FAM78B: variants seen among roughly 807,000 people sequenced by gnomAD.
The protein encoded by FAM78B is protein FAM78B.
A neutral mutation model predicts 20.0 loss-of-function variants in FAM78B; 10 were observed. The ratio of observed to expected loss-of-function variants is 0.50; its 90% CI spans 0.31 to 0.85. FAM78B has a LOEUF of 0.85. Ranked by LOEUF, FAM78B falls within the 40% of genes least tolerant of loss-of-function variation. The pLI, the probability that FAM78B is intolerant of heterozygous loss-of-function variation, is 0.05. For synonymous variants in FAM78B, 135 were observed against 132.8 expected (o/e 1.02, Z -0.12); for missense variants, 283 against 345.0 (o/e 0.82, Z 1.42).
At chr1:166,111,623 AAACTCCC>A (rs1282806661) in intron 1 of FAM78B, among the ~76,000 whole-genome samples, 1 of 152,226 alleles carries the variant, frequency 6.6e-6, no homozygotes, top group East Asian at 1.9e-4. Context: ...GGGAAAAGTC[AAACTCCC>A]AAGGTCAAAG....
At chr1:166,103,719 C>T (rs12064063) in intron 1 of FAM78B, among the ~76,000 whole-genome samples, 22,891 of 152,134 alleles carry the variant, frequency 0.15, 2,020 homozygotes, top group East Asian at 0.27. Context: ...TAATAGCTTA[C>T]AAACCAAAAA....
chr1:166,132,112 A>G (rs1045941098), intron 1 of FAM78B, among the ~76,000 whole-genome samples: 1 of 152,238 alleles, frequency 6.6e-6, no homozygotes, highest in Admixed American at 6.5e-5. Context: ...ACAGGCTATG[A>G]AGACTGGAAA....
intron 1 of FAM78B, among the ~76,000 whole-genome samples, chr1:166,117,856 G>A (rs1414132784): frequency 5.3e-5 from 8 of 152,182 alleles, no homozygotes; most frequent in Non-Finnish European, 1.0e-4. Context: ...ACAGAGTCAG[G>A]AGCACAGCTG....
chr1:166,092,448 C>T (rs1653114209), intron 1 of FAM78B, among the ~76,000 whole-genome samples: 1 of 152,218 alleles, frequency 6.6e-6, no homozygotes. Context: ...CTCCTTCCAC[C>T]CCTAGTTAGT....
chr1:166,075,101 C>T (rs537545049), intron 1 of FAM78B, among the ~76,000 whole-genome samples: 16 of 152,200 alleles, frequency 1.1e-4, no homozygotes, highest in East Asian at 5.8e-4. Context: ...CCTTCAATAA[C>T]GGGTTTAGGC....
At chr1:166,100,329 T>C (rs747485843) in intron 1 of FAM78B, among the ~76,000 whole-genome samples, 7 of 152,170 alleles carry the variant, frequency 4.6e-5, no homozygotes, top group Non-Finnish European at 7.3e-5. Flanking sequence ...TCATTGGGGA[T>C]TGTCAGACAG....
rs139144826 is a variant in FAM78B, at chr1:166,145,666, C to T, written c.263+20320G>A. On this transcript the variant is annotated intron_variant, in intron 1 of 1. Coordinates refer to ENST00000354422, the MANE Select transcript of FAM78B (RefSeq NM_001017961.5). ...AAAACATCTAGTCTTGGATCTGTAA[C>T]TTATCAAAGACAATCTCAAGTCAGA... Among the ~76,000 whole-genome samples, 862 of 152,324 alleles carry T rather than the reference C, an allele frequency of 5.7e-3. 7 individuals carry two copies. The highest frequency in any genetic ancestry group is 0.019 in the African/African-American group (805 of 41,582).
rs992135749 is a variant in FAM78B, at chr1:166,093,212, G to A, written c.264-22449C>T. 3.3e-5 allele frequency among the ~76,000 whole-genome samples: 5 copies of A among 152,134 alleles called. No individual in the cohort carries two copies. The South Asian group carries it at 1.0e-3, about 32-fold the overall frequency. ...TATATCTCTCCAGCTTCTCAAAGTGGGGCATGCAGTTTGTGAGAAATGGTC... is the reference window on the plus strand; with the variant it reads ...TATATCTCTCCAGCTTCTCAAAGTGAGGCATGCAGTTTGTGAGAAATGGTC... On this transcript the variant is annotated intron_variant, in intron 1 of 1. Coordinates refer to ENST00000354422, the MANE Select transcript of FAM78B (RefSeq NM_001017961.5).
At chr1:166,060,072 A>AGG (rs1233330653) in exon 3 of FAM78B, 1 of 162,176 alleles carries the variant, frequency 6.2e-6, no homozygotes, top group Non-Finnish European at 1.4e-5. Flanking sequence ...GGTCACCTGA[A>AGG]GGCACCCAGC....
chr1:166,164,107 T>C lies in FAM78B; in HGVS notation c.263+1879A>G, dbSNP rs141919490. ...TAAGGTAAAGTAAGTTTTACGGAAA[T>C]AATTCTGTATTTATATATTTGCTTT... On this transcript the variant is annotated intron_variant, in intron 1 of 1. Transcript: ENST00000354422. 1.7e-3 allele frequency among the ~76,000 whole-genome samples: 261 copies of C among 152,354 alleles called. 10 individuals carry two copies. The East Asian group carries it at 0.048, about 28-fold the overall frequency.
intron 1 of FAM78B, among the ~76,000 whole-genome samples, chr1:166,075,188 G>T (rs899416146): frequency 6.6e-6 from 1 of 152,154 alleles, no homozygotes; most frequent in Admixed American, 6.5e-5. Flanking sequence ...AATGAAAAAA[G>T]TAGGATTAGA....
At chr1:166,068,054 G>A (rs1651868112), downstream of FAM78B, among the ~76,000 whole-genome samples, 1 of 152,176 alleles carries the variant, frequency 6.6e-6, no homozygotes, top group South Asian at 2.1e-4. Flanking sequence ...ATCTTGTATA[G>A]CATTTTGTAA....
At chr1:166,079,833 G>A (rs187430259) in intron 1 of FAM78B, among the ~76,000 whole-genome samples, 2 of 152,222 alleles carry the variant, frequency 1.3e-5, no homozygotes, top group East Asian at 1.9e-4. Flanking sequence ...TTCATACTCC[G>A]AAGCCTCAAA....
At chr1:166,058,746 G>A (rs911145959) in exon 3 of FAM78B, 2 of 152,530 alleles carry the variant, frequency 1.3e-5, no homozygotes, top group African/African-American at 2.4e-5. Context: ...GACAGTGTGT[G>A]CACATGTACG....
At chr1:166,110,067 T>G (rs1473689765) in intron 1 of FAM78B, among the ~76,000 whole-genome samples, 2 of 149,224 alleles carry the variant, frequency 1.3e-5, no homozygotes, top group African/African-American at 2.5e-5. Context: ...GGAGCTAAGG[T>G]ATGAGGACAC....
At chr1:166,157,459 G>T (rs2101803744) in intron 1 of FAM78B, among the ~76,000 whole-genome samples, 1 of 151,588 alleles carries the variant, frequency 6.6e-6, no homozygotes, top group African/African-American at 2.4e-5. Flanking sequence ...CTTCTGACTG[G>T]AACCCTGCGC....
intron 1 of FAM78B, among the ~76,000 whole-genome samples, chr1:166,125,761 A>G (rs1339954960): frequency 6.6e-6 from 1 of 152,180 alleles, no homozygotes; most frequent in Non-Finnish European, 1.5e-5. Context: ...AATACGATGT[A>G]AACGCTATGT....
chr1:166,070,223 A>G lies in FAM78B; in HGVS notation c.*18T>C, dbSNP rs1460180925. The G allele has an allele frequency of 6.6e-7, 1 of 1,511,922 alleles. No homozygotes were observed. The highest frequency in any genetic ancestry group is 2.3e-5 in the East Asian group (1 of 43,900). The allele number at this position is 1,511,922 out of a possible 1,614,324, so 93.7% of individuals were successfully genotyped here. A position where few individuals can be genotyped will look rare whatever the true frequency, so the allele number is the denominator to read the frequency against. On this transcript the variant is annotated 3_prime_UTR_variant, in exon 2 of 2. Transcript: ENST00000354422. ...TCTCAGAGGCGTGTGATCCACACAC[A>G]GTCAGGCCAGTCTGCTTCTACTTAG... is the stretch of plus-strand genomic sequence containing the variant.
chr1:166,105,739 C>A (rs1342813687), intron 1 of FAM78B, among the ~76,000 whole-genome samples: 10 of 151,836 alleles, frequency 6.6e-5, no homozygotes, highest in African/African-American at 2.4e-4. Flanking sequence ...GAAATAGGAA[C>A]ACTTTTACAC....
Sources: gnomAD v4.1 joint callset for allele counts (sites outside exome capture counted in the v4.1 genomes callset) on GRCh38, gnomAD v4.1.1 for gene constraint, MANE v1.5 for transcripts, NCBI Gene and HGNC (gene_info 2026-07-23, HGNC 2026-07-21) for gene names.